Variants in ROBO1 observed in about 807,000 individuals in gnomAD.
The protein encoded by ROBO1 is roundabout homolog 1.
ROBO1 carries 149 observed loss-of-function variants against 195.9 expected under a neutral mutation model. The ratio of observed to expected loss-of-function variants is 0.76; its 90% CI spans 0.67 to 0.87. ROBO1 has a LOEUF of 0.87. Ranked by LOEUF, ROBO1 falls within the 40% of genes least tolerant of loss-of-function variation. The probability of loss-of-function intolerance (pLI) is 0.00; values close to 1 mark genes in which losing one functional copy is unlikely to be tolerated. For synonymous variants in ROBO1, 816 were observed against 733.2 expected, an observed-to-expected ratio of 1.11 and a Z score of -1.82; for missense variants, 1,933 against 2,068.3, an observed-to-expected ratio of 0.93 and a Z score of 1.27.
intron 10 of ROBO1, among the ~76,000 whole-genome samples, chr3:78,673,714 A>C (rs974950693): frequency 4.0e-5 from 6 of 149,578 alleles, no homozygotes; most frequent in Non-Finnish European, 7.4e-5. Flanking sequence ...AGAATGTTGT[A>C]ATTTGTCACC....
At chr3:79,386,419 C>T (rs925093219) in intron 2 of ROBO1, among the ~76,000 whole-genome samples, 2 of 151,990 alleles carry the variant, frequency 1.3e-5, no homozygotes, top group Non-Finnish European at 2.9e-5. Flanking sequence ...GAAGGAATAG[C>T]AAATTTGAAA....
chr3:79,018,801 C>T (rs2078024367), intron 3 of ROBO1: 3 of 1,052,628 alleles, frequency 2.9e-6, no homozygotes, highest in Non-Finnish European at 3.5e-6. Context: ...TGCGGAGCCT[C>T]CCGGCGTGCG....
At chr3:79,401,384 G>T (rs960489509) in intron 2 of ROBO1, among the ~76,000 whole-genome samples, 3 of 151,822 alleles carry the variant, frequency 2.0e-5, no homozygotes, top group Non-Finnish European at 4.4e-5. Flanking sequence ...ACATTTTGCT[G>T]ATTGAACCAC....
intron 2 of ROBO1, among the ~76,000 whole-genome samples, chr3:79,377,985 G>A (rs1240610460): frequency 1.3e-5 from 2 of 152,128 alleles, no homozygotes; most frequent in Non-Finnish European, 2.9e-5. Flanking sequence ...CAGTCCTCAT[G>A]TTCTTGCTCA....
chr3:79,006,774 A>C (rs1215492409), intron 3 of ROBO1, among the ~76,000 whole-genome samples: 1 of 151,524 alleles, frequency 6.6e-6, no homozygotes, highest in Non-Finnish European at 1.5e-5. Flanking sequence ...AAAAAAAAAA[A>C]AACAGACTCT....
At chr3:78,614,867 C>T in intron 27 of ROBO1, 67 bp from the exon 28 acceptor site, 2 of 1,396,460 alleles carry the variant, frequency 1.4e-6, no homozygotes, top group Non-Finnish European at 1.9e-6. Context: ...ACAGGAACAA[C>T]AAAAAGAAAA....
intron 2 of ROBO1, among the ~76,000 whole-genome samples, chr3:79,166,404 C>A (rs781080548): frequency 1.3e-5 from 2 of 151,856 alleles, no homozygotes; most frequent in African/African-American, 2.4e-5. Flanking sequence ...ATTTTTTATT[C>A]TTGTAGAATT....
intron 3 of ROBO1, among the ~76,000 whole-genome samples, chr3:79,039,585 C>G (rs928227468): frequency 2.6e-5 from 4 of 151,978 alleles, no homozygotes; most frequent in Non-Finnish European, 5.9e-5. Context: ...ATCACGAGGT[C>G]AGGAGTTCAA....
intron 1 of ROBO1, among the ~76,000 whole-genome samples, chr3:79,756,952 C>T (rs1704439053): frequency 6.6e-6 from 1 of 152,072 alleles, no homozygotes; most frequent in South Asian, 2.1e-4. Flanking sequence ...ATAATGTTTT[C>T]AAAGTTCACC....
At chr3:79,442,369 A>C (rs1270554743) in intron 2 of ROBO1, among the ~76,000 whole-genome samples, 1 of 152,134 alleles carries the variant, frequency 6.6e-6, no homozygotes, top group East Asian at 1.9e-4. Flanking sequence ...TTTATGAGGA[A>C]TTTTTTGGTG....
chr3:78,860,480 T>C (rs1384773216), intron 4 of ROBO1, among the ~76,000 whole-genome samples: 1 of 151,732 alleles, frequency 6.6e-6, no homozygotes, highest in East Asian at 1.9e-4. Flanking sequence ...CCTCAAAGAA[T>C]TTTTACCAGG....
intron 3 of ROBO1, among the ~76,000 whole-genome samples, chr3:78,990,736 C>T (rs924994595): frequency 3.3e-5 from 5 of 152,050 alleles, no homozygotes; most frequent in Non-Finnish European, 7.4e-5. Context: ...ACATTTTATA[C>T]ATAAACTAAA....
At chr3:79,300,074 T>C (rs943347295) in intron 2 of ROBO1, among the ~76,000 whole-genome samples, 39 of 152,186 alleles carry the variant, frequency 2.6e-4, no homozygotes, top group Admixed American at 6.5e-4. Context: ...CCCTCAGCCC[T>C]CGCTCGCTCT....
At chr3:79,139,488 T>C (rs1429898355) in intron 2 of ROBO1, among the ~76,000 whole-genome samples, 1 of 152,174 alleles carries the variant, frequency 6.6e-6, no homozygotes, top group South Asian at 2.1e-4. Context: ...TCTTGATGTC[T>C]AAACGTTTGG....
At chr3:79,348,924 TTAAC>T (rs2035235245) in intron 2 of ROBO1, among the ~76,000 whole-genome samples, 1 of 152,092 alleles carries the variant, frequency 6.6e-6, no homozygotes, top group Non-Finnish European at 1.5e-5. Context: ...ACGCGAAAGT[TTAAC>T]TAAAAAAAAA....
intron 3 of ROBO1, among the ~76,000 whole-genome samples, chr3:78,939,728 A>G (rs2040031159): frequency 6.6e-6 from 1 of 151,528 alleles, no homozygotes; most frequent in Non-Finnish European, 1.5e-5. Context: ...TAAATAAAAA[A>G]AAGTATATAC....
intron 3 of ROBO1, among the ~76,000 whole-genome samples, chr3:79,056,686 A>G (rs752833208): frequency 3.0e-4 from 45 of 152,076 alleles, no homozygotes; most frequent in Non-Finnish European, 4.6e-4. Flanking sequence ...TTGAACCCTG[A>G]GGCGTCACTA....
chr3:79,742,780 T>C (rs1264803425), intron 1 of ROBO1, among the ~76,000 whole-genome samples: 1 of 152,166 alleles, frequency 6.6e-6, no homozygotes, highest in Admixed American at 6.5e-5. Context: ...TTCTTATTAT[T>C]ATTGTGACAT....
chr3:78,642,532 G>C (rs995750507), intron 21 of ROBO1, among the ~76,000 whole-genome samples: 3 of 152,248 alleles, frequency 2.0e-5, no homozygotes, highest in Admixed American at 6.5e-5. Flanking sequence ...CCACCAACAG[G>C]GAATGTGGTA....
Sources: allele counts gnomAD v4.1 joint callset (sites outside exome capture counted in the v4.1 genomes callset), GRCh38; gene constraint gnomAD v4.1.1; transcripts MANE v1.5; gene names NCBI Gene and HGNC (gene_info 2026-07-23, HGNC 2026-07-21).